ARHGEF26: variants seen among roughly 807,000 people sequenced by gnomAD.
ARHGEF26 encodes Rho guanine nucleotide exchange factor (GEF) 26.
ARHGEF26 carries 59 observed loss-of-function variants against 89.4 expected under a neutral mutation model. The ratio of observed to expected loss-of-function variants is 0.66; its 90% CI spans 0.54 to 0.82. The LOEUF (loss-of-function observed/expected upper bound fraction) is 0.82, where lower values mean the gene tolerates loss of function less well. ARHGEF26 is among the 40% of genes least tolerant of loss of function. ARHGEF26 has a pLI of 0.00. For synonymous variants in ARHGEF26, 500 were observed against 428.4 expected, an observed-to-expected ratio of 1.17 and a Z score of -2.06; for missense variants, 1,234 against 1,085.6, an observed-to-expected ratio of 1.14 and a Z score of -1.92.
chr3:154,213,172 T>A (rs2122364), intron 9 of ARHGEF26, among the ~76,000 whole-genome samples: 104,192 of 151,368 alleles, frequency 0.69, 36,215 homozygotes, highest in East Asian at 0.87. Context: ...AGACTTTGTG[T>A]TTTAATTTAC....
intron 12 of ARHGEF26, among the ~76,000 whole-genome samples, chr3:154,251,347 T>G (rs545083232): frequency 6.6e-6 from 1 of 152,336 alleles, no homozygotes; most frequent in African/African-American, 2.4e-5. Context: ...TTCAGAATAT[T>G]ATTTAGAACA....
At chr3:154,121,732 G>A (rs1331151894) in intron 1 of ARHGEF26, among the ~76,000 whole-genome samples, 3 of 152,186 alleles carry the variant, frequency 2.0e-5, no homozygotes, top group Admixed American at 2.0e-4. Context: ...ACGCGGAGGT[G>A]ATTGGATTAA....
intron 9 of ARHGEF26, among the ~76,000 whole-genome samples, chr3:154,215,590 C>T (rs919660740): frequency 2.6e-5 from 4 of 151,898 alleles, no homozygotes; most frequent in African/African-American, 9.7e-5. Flanking sequence ...GTTTAAGGAA[C>T]AGATATTTAT....
chr3:154,255,934 TC>T lies in ARHGEF26; in HGVS notation c.*462del. 7 of 986,992 alleles carry T rather than the reference TC, an allele frequency of 7.1e-6. No homozygotes were observed. The highest frequency in any genetic ancestry group is 1.7e-5 in the African/African-American group (1 of 57,370). 61.1% of individuals were successfully genotyped at this position (986,992 alleles called of 1,614,324 possible). ...GTAAATATTTCCCTGCCTTTTTTTT[TC>T]TTTTTTTACATCTGATTTTAATGCT... On this transcript the variant is annotated 3_prime_UTR_variant, in exon 15 of 15. Coordinates refer to ENST00000465093, the MANE Select transcript of ARHGEF26 (RefSeq NM_015595.4).
At chr3:154,249,266 A>G (rs1576829842) in intron 12 of ARHGEF26, among the ~76,000 whole-genome samples, 2 of 152,104 alleles carry the variant, frequency 1.3e-5, no homozygotes, top group African/African-American at 4.8e-5. Context: ...GTATGTATCT[A>G]TGTTTTGTAG....
chr3:154,172,230 G>C (rs1362919281), intron 6 of ARHGEF26, among the ~76,000 whole-genome samples: 1 of 152,228 alleles, frequency 6.6e-6, no homozygotes, highest in Non-Finnish European at 1.5e-5. Flanking sequence ...GGAGTAATCA[G>C]CATCACTTCC....
intron 6 of ARHGEF26, among the ~76,000 whole-genome samples, chr3:154,170,450 T>G (rs1232652700): frequency 1.3e-5 from 2 of 152,204 alleles, no homozygotes; most frequent in East Asian, 1.9e-4. Flanking sequence ...GTTAAATTGC[T>G]TATTATAAAA....
chr3:154,202,150 A>C (rs1714685248), intron 9 of ARHGEF26, among the ~76,000 whole-genome samples: 1 of 152,176 alleles, frequency 6.6e-6, no homozygotes, highest in Non-Finnish European at 1.5e-5. Flanking sequence ...CTAACATTTA[A>C]GTCTTTAATC....
intron 11 of ARHGEF26, among the ~76,000 whole-genome samples, chr3:154,229,651 G>A (rs374958955): frequency 1.5e-4 from 23 of 152,072 alleles, no homozygotes; most frequent in African/African-American, 3.6e-4. Context: ...AGCATTCCTC[G>A]TCTCTATCCA....
intron 4 of ARHGEF26, among the ~76,000 whole-genome samples, chr3:154,139,379 A>G (rs943449093): frequency 6.6e-6 from 1 of 152,218 alleles, no homozygotes; most frequent in Non-Finnish European, 1.5e-5. Context: ...ATTGCTTACT[A>G]TGAAATCGAA....
intron 12 of ARHGEF26, among the ~76,000 whole-genome samples, chr3:154,249,723 G>A (rs1340883675): frequency 6.6e-6 from 1 of 152,186 alleles, no homozygotes; most frequent in African/African-American, 2.4e-5. Context: ...GTGGTAAGGC[G>A]AGTCTTCAAA....
At chr3:154,188,039 CTT>C (rs944336276) in intron 7 of ARHGEF26, among the ~76,000 whole-genome samples, 39 of 152,252 alleles carry the variant, frequency 2.6e-4, no homozygotes, top group African/African-American at 8.9e-4. Flanking sequence ...AATTTTCTCT[CTT>C]ACGAAATTAT....
chr3:154,184,719 G>A (rs1033600052), intron 6 of ARHGEF26, among the ~76,000 whole-genome samples: 2 of 152,158 alleles, frequency 1.3e-5, no homozygotes, highest in East Asian at 1.9e-4. Context: ...TAACCGGCCT[G>A]CTTGCCATCT....
chr3:154,143,301 G>A (rs1449151852), intron 4 of ARHGEF26, among the ~76,000 whole-genome samples: 2 of 152,162 alleles, frequency 1.3e-5, no homozygotes, highest in East Asian at 3.8e-4. Flanking sequence ...AATCAATAAT[G>A]TAGTAATAGT....
At chr3:154,177,507 A>G (rs1259558395) in intron 6 of ARHGEF26, among the ~76,000 whole-genome samples, 1 of 152,142 alleles carries the variant, frequency 6.6e-6, no homozygotes, top group Non-Finnish European at 1.5e-5. Context: ...CCCTGGTGTG[A>G]CTGGGGTGGG....
intron 12 of ARHGEF26, among the ~76,000 whole-genome samples, chr3:154,246,727 G>C (rs1022389822): frequency 2.0e-5 from 3 of 152,146 alleles, no homozygotes; most frequent in Non-Finnish European, 4.4e-5. Flanking sequence ...GGGGAGTCCC[G>C]ATGTTGGCTT....
intron 6 of ARHGEF26, among the ~76,000 whole-genome samples, chr3:154,153,767 A>G (rs951748627): frequency 6.6e-6 from 1 of 152,004 alleles, no homozygotes; most frequent in African/African-American, 2.4e-5. Context: ...ATGATTATGT[A>G]AGAAAATACA....
chr3:154,122,342 C>T lies in ARHGEF26; in HGVS notation c.350C>T (p.Pro117Leu). 1.2e-6 allele frequency: 2 copies of T among 1,612,726 alleles called. No individual in the cohort carries two copies. The highest frequency in any genetic ancestry group is 2.2e-5 in the South Asian group (2 of 91,076). ...RLRRPKSPKL[P>L]KAVPGGSPKS... ...CGACGGCCCAAGTCACCCAAGCTCC[C>T]CAAAGCGGTGCCTGGCGGCTCCCCG... The change falls in exon 2 of 15, where the codon CCC becomes CTC. Residue 117 changes from proline to leucine, a missense_variant. Pro to Leu is a moderately conservative substitution (Grantham distance 98). Coordinates refer to ENST00000465093, the MANE Select transcript of ARHGEF26 (RefSeq NM_015595.4).
intron 6 of ARHGEF26, among the ~76,000 whole-genome samples, chr3:154,178,265 T>C (rs1323343696): frequency 1.4e-4 from 22 of 152,188 alleles, no homozygotes; most frequent in Admixed American, 1.4e-3. Context: ...TCATATGCCA[T>C]ACAAATAACC....
Sources: gnomAD v4.1 joint callset for allele counts (sites outside exome capture counted in the v4.1 genomes callset) on GRCh38, gnomAD v4.1.1 for gene constraint, MANE v1.5 for transcripts, NCBI Gene and HGNC (gene_info 2026-07-23, HGNC 2026-07-21) for gene names.